UBE2F: variants seen among roughly 807,000 people sequenced by gnomAD.
UBE2F encodes the protein ubiquitin conjugating enzyme E2 F (putative).
UBE2F carries 5 observed loss-of-function variants against 29.6 expected under a neutral mutation model. The ratio of observed to expected loss-of-function variants is 0.17; its 90% confidence interval spans 0.09 to 0.36. The LOEUF (loss-of-function observed/expected upper bound fraction) is 0.36, where lower values mean the gene tolerates loss of function less well. Ranked by LOEUF, UBE2F falls within the 10% of genes least tolerant of loss-of-function variation. The pLI is 1.00. For missense variants in UBE2F, 141 were observed against 228.5 expected, an observed-to-expected ratio of 0.62 and a Z score of 2.47; for synonymous variants, 66 against 81.8, an observed-to-expected ratio of 0.81 and a Z score of 1.04.
chr2:238,039,970 G>T (rs1424980266), intron 9 of UBE2F, among the ~76,000 whole-genome samples: 1 of 152,212 alleles, frequency 6.6e-6, no homozygotes, highest in African/African-American at 2.4e-5. Flanking sequence ...TTGTAAAAGG[G>T]CAGGCAGGGT....
intron 6 of UBE2F, among the ~76,000 whole-genome samples, chr2:238,029,837 T>C (rs1397066009): frequency 6.6e-6 from 1 of 152,250 alleles, no homozygotes; most frequent in Non-Finnish European, 1.5e-5. Flanking sequence ...TAAGTGAATT[T>C]AATGGCACAG....
intron 8 of UBE2F, among the ~76,000 whole-genome samples, chr2:238,034,257 C>T (rs2064652917): frequency 1.3e-5 from 2 of 151,228 alleles, no homozygotes; most frequent in African/African-American, 2.4e-5. Context: ...TGAAATCTCA[C>T]CTCTACTAAA....
chr2:237,975,737 C>T (rs947834492), intron 2 of UBE2F, among the ~76,000 whole-genome samples: 1 of 152,266 alleles, frequency 6.6e-6, no homozygotes, highest in Admixed American at 6.5e-5. Context: ...CTCCTGGGTT[C>T]AAGCGATTCT....
chr2:237,973,791 T>C, intron 2 of UBE2F: 1 of 940,624 alleles, frequency 1.1e-6, no homozygotes, highest in South Asian at 1.6e-5. Flanking sequence ...GTAAAATGTA[T>C]GAGAGTATGC....
chr2:238,002,731 C>T (rs1444856760), intron 4 of UBE2F, among the ~76,000 whole-genome samples: 1 of 152,120 alleles, frequency 6.6e-6, no homozygotes, highest in Non-Finnish European at 1.5e-5. Flanking sequence ...CCTGTCTCAG[C>T]CTCCTGAGTA....
chr2:238,031,203 C>T (rs1380058315), intron 7 of UBE2F, among the ~76,000 whole-genome samples: 1 of 152,262 alleles, frequency 6.6e-6, no homozygotes, highest in Non-Finnish European at 1.5e-5. Context: ...TCCCCACGCT[C>T]TAGAAATGTC....
intron 2 of UBE2F, among the ~76,000 whole-genome samples, chr2:237,977,091 G>A (rs1424032560): frequency 6.6e-6 from 1 of 152,166 alleles, no homozygotes; most frequent in East Asian, 1.9e-4. Flanking sequence ...CGGCTCCAGG[G>A]CTGACAGAGC....
chr2:237,967,057 C>T lies in UBE2F; in HGVS notation c.-92C>T, dbSNP rs1427598146. ...GGGAGCCGGTGCGGCTGTGAGGGGC[C>T]GCGTCTCGCAGCAGCCGCCCGGACC... On this transcript the variant is annotated 5_prime_UTR_variant, in exon 1 of 10. Coordinates refer to ENST00000272930, the MANE Select transcript of UBE2F (RefSeq NM_080678.3). The surrounding 1 kb of genome is among the most constrained non-coding windows in gnomAD (Gnocchi z 6.3). 9.9e-6 allele frequency: 13 copies of T among 1,316,578 alleles called. No individual in the cohort carries two copies. Among genetic ancestry groups the T allele is most frequent in the Middle Eastern group, 2.9e-4 (1 of 3,434 alleles). The allele number at this position is 1,316,578 out of a possible 1,614,324, so 81.6% of individuals were successfully genotyped here.
chr2:237,986,142 CT>C (rs66771814), intron 2 of UBE2F: 139,072 of 260,212 alleles, frequency 0.53, 25,871 homozygotes, highest in Admixed American at 0.61. Flanking sequence ...CTTTTCTTTT[CT>C]TTTTTTTTTT....
At chr2:238,005,133 T>C (rs991065248) in intron 4 of UBE2F, among the ~76,000 whole-genome samples, 2 of 152,158 alleles carry the variant, frequency 1.3e-5, no homozygotes, top group Admixed American at 6.5e-5. Flanking sequence ...TAAGAATAGT[T>C]TGTGTTTGTT....
intron 6 of UBE2F, chr2:238,029,208 C>T (rs1034088695): frequency 6.6e-6 from 1 of 151,880 alleles, no homozygotes; most frequent in African/African-American, 2.4e-5. Flanking sequence ...ATGGGCCCCC[C>T]ACCTAAGGAG....
chr2:238,009,489 G>A (rs545572598), intron 4 of UBE2F, among the ~76,000 whole-genome samples: 38 of 152,080 alleles, frequency 2.5e-4, no homozygotes, highest in Admixed American at 7.9e-4. Flanking sequence ...GCTGTTAAGC[G>A]CATCCAGTGA....
chr2:237,991,609 C>CTTTTTTTTTTTTTTTTT (rs774476848), intron 3 of UBE2F, among the ~76,000 whole-genome samples: 94 of 53,004 alleles, frequency 1.8e-3, no homozygotes, highest in Admixed American at 2.6e-3. Flanking sequence ...TTCTTTCTTT[C>CTTTTTTTTTTTTTTTTT]TTTTTTTTTT....
intron 3 of UBE2F, among the ~76,000 whole-genome samples, chr2:237,993,176 CGGGGTTT>C (rs2063624108): frequency 6.6e-6 from 1 of 151,848 alleles, no homozygotes; most frequent in Non-Finnish European, 1.5e-5. Flanking sequence ...TTAGTAGAGA[CGGGGTTT>C]CACCACGTTG....
chr2:238,006,102 G>C (rs1197919374), intron 4 of UBE2F, among the ~76,000 whole-genome samples: 1 of 152,206 alleles, frequency 6.6e-6, no homozygotes, highest in Non-Finnish European at 1.5e-5. Flanking sequence ...TCTGCAGGCT[G>C]TGTAGGAAGC....
intron 4 of UBE2F, among the ~76,000 whole-genome samples, chr2:238,010,249 C>T (rs2063993521): frequency 6.6e-6 from 1 of 152,086 alleles, no homozygotes; most frequent in South Asian, 2.1e-4. Context: ...TCTTGGCTCA[C>T]TGCAACCTCT....
chr2:237,990,446 A>G (rs985306647), intron 3 of UBE2F: 2 of 449,110 alleles, frequency 4.5e-6, no homozygotes, highest in Non-Finnish European at 8.9e-6. Flanking sequence ...TTTGTTGCCC[A>G]AGTTGGAGTA....
chr2:237,986,795 G>A (rs1248365161), intron 2 of UBE2F, among the ~76,000 whole-genome samples: 1 of 151,992 alleles, frequency 6.6e-6, no homozygotes, highest in African/African-American at 2.4e-5. Context: ...TGTTTTCTTG[G>A]TACCTGTGTC....
At chr2:238,030,314 T>C (rs2064543774) in intron 6 of UBE2F, among the ~76,000 whole-genome samples, 1 of 152,230 alleles carries the variant, frequency 6.6e-6, no homozygotes, top group Non-Finnish European at 1.5e-5. Context: ...AGCCTAAAAC[T>C]TCCATGTCAA....
Sources: gnomAD v4.1 joint callset for allele counts (sites outside exome capture counted in the v4.1 genomes callset) on GRCh38, gnomAD v4.1.1 for gene constraint, Gnocchi (gnomAD v3.1) non-coding constraint, MANE v1.5 for transcripts, NCBI Gene and HGNC (gene_info 2026-07-23, HGNC 2026-07-21) for gene names.